The following PSMA3 variants were observed in gnomAD, a reference collection of about 807,000 sequenced individuals.
The protein encoded by PSMA3 is proteasome subunit alpha type-3.
Under a neutral mutation model 40.0 loss-of-function variants are expected in PSMA3, and 8 were observed. The ratio of observed to expected loss-of-function variants is 0.20; its 90% CI spans 0.12 to 0.36. The LOEUF (loss-of-function observed/expected upper bound fraction) is 0.36. PSMA3 is among the 10% of genes least tolerant of loss of function. PSMA3 has a pLI of 1.00. For missense variants in PSMA3, 219 were observed against 310.6 expected, an observed-to-expected ratio of 0.70 and a Z score of 2.22; for synonymous variants, 110 against 100.0, an observed-to-expected ratio of 1.10 and a Z score of -0.59.
chr14:58,257,325 A>G (rs1057499136), intron 3 of PSMA3, among the ~76,000 whole-genome samples: 2 of 151,550 alleles, frequency 1.3e-5, no homozygotes, highest in Non-Finnish European at 2.9e-5. Flanking sequence ...GTGAAACCCC[A>G]TCTCTACTAA....
At chr14:58,260,397 G>T (rs1890248380) in intron 5 of PSMA3, among the ~76,000 whole-genome samples, 1 of 152,200 alleles carries the variant, frequency 6.6e-6, no homozygotes, top group Admixed American at 6.5e-5. Context: ...TGAATCCACA[G>T]ATGCAGAACT....
Position 58,270,914 on chromosome 14 carries a change from A to G in PSMA3, c.659-20A>G. 1 of 1,567,454 alleles carries G rather than the reference A, an allele frequency of 6.4e-7. No homozygotes were observed. Among genetic ancestry groups the G allele is most frequent in the African/African-American group, 1.4e-5 (1 of 73,800 alleles). On this transcript the variant is annotated intron_variant, in intron 9 of 10. Transcript: ENST00000216455. ...GGTACTCAATTTAAAATTCATTTAC[A>G]CATGTGGCTTAATTTACAGTAACTA... is the stretch of plus-strand genomic sequence containing the variant.
In PSMA3 at chr14:58,257,748, G is replaced by A; in HGVS notation, c.232G>A (p.Val78Ile). 6.2e-7 allele frequency: 1 copy of A among 1,608,414 alleles called. No individual in the cohort carries two copies. The highest frequency in any genetic ancestry group is 8.5e-7 in the Non-Finnish European group (1 of 1,176,094). Residue 78 changes from valine to isoleucine, a missense_variant, in exon 4 of 11, where the codon GTA (valine) becomes ATA (isoleucine). Coordinates refer to ENST00000216455, the MANE Select transcript of PSMA3 (RefSeq NM_002788.4). ...FNVDRHVGMA[V>I]AGLLADARSL... ...TAAATTGGTGCTTTTTTTTCAGGCA[G>A]TAGCAGGTTTGTTGGCAGATGCTCG...
At chr14:58,250,034 C>A (rs1042051912) in intron 2 of PSMA3, among the ~76,000 whole-genome samples, 5 of 149,630 alleles carry the variant, frequency 3.3e-5, no homozygotes, top group Middle Eastern at 3.5e-3. Flanking sequence ...GCCTGGGCAA[C>A]ATGGTGAAAT....
chr14:58,268,940 C>CT lies in PSMA3; in HGVS notation c.590+1432dup, dbSNP rs200715859. On this transcript the variant is annotated intron_variant, in intron 8 of 10. Coordinates refer to ENST00000216455, the MANE Select transcript of PSMA3 (RefSeq NM_002788.4). The stretch of plus-strand genomic sequence containing the variant: ...CTCTGCTACTGTACTTAATTTGATA[C>CT]TTTTTTTTTTTTGAGATGGAGTCTC... 9.2e-3 allele frequency: 1,352 copies of CT among 147,096 alleles called. 50 individuals carry two copies. The highest frequency in any genetic ancestry group is 0.067 in the Admixed American group (981 of 14,728). The allele number at this position is 147,096 out of a possible 1,614,324, so 9.1% of individuals were successfully genotyped here.
chr14:58,262,001 AC>A (rs1890296751), intron 6 of PSMA3, among the ~76,000 whole-genome samples: 1 of 151,508 alleles, frequency 6.6e-6, no homozygotes, highest in African/African-American at 2.4e-5. Context: ...ATCTTGGTTC[AC>A]TGCAACCTCT....
In PSMA3 at chr14:58,271,841, C is replaced by G. The variant is rs950350845; in HGVS notation, c.724-10C>G. 4 of 1,592,312 alleles carry G rather than the reference C, an allele frequency of 2.5e-6. No individual in the cohort carries two copies. The African/African-American group carries it at 4.0e-5, about 16-fold the overall frequency. ...AAAATCAATTTTAAACACCTGTTTT[C>G]TCTTAACAGGAATCTCTGAAGGAAG... On this transcript the variant is annotated splice_polypyrimidine_tract_variant and intron_variant, in intron 10 of 10. Coordinates refer to ENST00000216455, the MANE Select transcript of PSMA3 (RefSeq NM_002788.4).
At chr14:58,245,541 T>A (rs1594821768) in intron 1 of PSMA3, 2 of 152,562 alleles carry the variant, frequency 1.3e-5, no homozygotes, top group Admixed American at 1.3e-4. Context: ...TAACAGCGCT[T>A]GTAGGCATTT....
At chr14:58,246,555 C>T (rs1472612655) in intron 1 of PSMA3, among the ~76,000 whole-genome samples, 3 of 152,102 alleles carry the variant, frequency 2.0e-5, no homozygotes, top group East Asian at 1.9e-4. Flanking sequence ...CGCACCACCA[C>T]GCCCAGCTAA....
chr14:58,247,472 A>G (rs574493979), intron 1 of PSMA3, among the ~76,000 whole-genome samples: 25 of 152,356 alleles, frequency 1.6e-4, no homozygotes, highest in African/African-American at 4.8e-4. Flanking sequence ...ACTGCCCCAT[A>G]TTAATCTTTT....
chr14:58,263,165 A>G (rs999247925), intron 6 of PSMA3, among the ~76,000 whole-genome samples: 4 of 151,812 alleles, frequency 2.6e-5, no homozygotes, highest in African/African-American at 4.8e-5. Flanking sequence ...TTGTATTTTT[A>G]GTAGAGACAG....
intron 7 of PSMA3, chr14:58,265,703 A>G (rs2140094364): frequency 6.6e-6 from 1 of 152,354 alleles, no homozygotes; most frequent in East Asian, 1.9e-4. Context: ...TAAAAAATAG[A>G]TTTGCCATTT....
intron 1 of PSMA3, among the ~76,000 whole-genome samples, chr14:58,246,588 G>A (rs1676802997): frequency 6.6e-6 from 1 of 152,076 alleles, no homozygotes; most frequent in Non-Finnish European, 1.5e-5. Context: ...TCGTAGAGAT[G>A]AGGTTTCACC....
intron 2 of PSMA3, among the ~76,000 whole-genome samples, chr14:58,248,132 T>C (rs905574176): frequency 6.6e-5 from 10 of 152,254 alleles, no homozygotes; most frequent in Admixed American, 1.3e-4. Context: ...CCTCAGCCAT[T>C]AGGTTTGTGA....
chr14:58,251,804 A>G (rs1566638371), intron 2 of PSMA3, among the ~76,000 whole-genome samples: 2 of 152,198 alleles, frequency 1.3e-5, no homozygotes, highest in Admixed American at 6.5e-5. Flanking sequence ...ATTTATGTCA[A>G]CATTTGTTTA....
chr14:58,267,506 A>G lies in PSMA3; in HGVS notation c.576A>G (p.Lys192=). Reference sequence around the variant, plus strand: ...AAATGACCTGCCGTGATATCGTTAAAGAAGTTGCAAAAATGTAAGTTGAAA... The same window carrying G: ...AAATGACCTGCCGTGATATCGTTAAGGAAGTTGCAAAAATGTAAGTTGAAA... The part of the protein sequence containing the change: ...MKEMTCRDIV[K]EVAKIIYIVH... Residue 192 remains lysine (K), a synonymous_variant, in exon 8 of 11, where the codon AAA becomes AAG. Coordinates refer to ENST00000216455, the MANE Select transcript of PSMA3 (RefSeq NM_002788.4). The G allele has an allele frequency of 6.3e-7, 1 of 1,576,668 alleles. No individual in the cohort carries two copies. The highest frequency in any genetic ancestry group is 8.6e-7 in the Non-Finnish European group (1 of 1,165,464).
chr14:58,245,048 C>T lies in PSMA3; in HGVS notation c.21+107C>T, dbSNP rs1832423399. ...CGGACCCGGGGTGCTCTGAGACCGC[C>T]TTCGGCTGGGTGGGCCATTTGCAGC... is the stretch of plus-strand genomic sequence containing the variant. On this transcript the variant is annotated intron_variant, in intron 1 of 10. Coordinates refer to ENST00000216455, the MANE Select transcript of PSMA3 (RefSeq NM_002788.4). 52 of 1,471,096 alleles carry T rather than the reference C, an allele frequency of 3.5e-5. No individual in the cohort carries two copies. In the South Asian group the frequency reaches 5.8e-4, roughly 16 times the overall value. 91.1% of individuals were successfully genotyped at this position (1,471,096 alleles called of 1,614,324 possible). A position where few individuals can be genotyped will look rare whatever the true frequency, so the allele number is the denominator to read the frequency against.
intron 6 of PSMA3, 106 bp from the exon 7 acceptor site, chr14:58,263,599 A>G: frequency 1.1e-6 from 1 of 881,532 alleles, no homozygotes; most frequent in Admixed American, 2.9e-5. Flanking sequence ...ACTTGCTTTT[A>G]AAAGTCATTT....
At chr14:58,249,809 G>T (rs1272051970) in intron 2 of PSMA3, among the ~76,000 whole-genome samples, 1 of 152,204 alleles carries the variant, frequency 6.6e-6, no homozygotes, top group Non-Finnish European at 1.5e-5. Context: ...CCCAGCCGAA[G>T]TCTTTGAATT....
Sources: gnomAD v4.1 joint callset for allele counts (sites outside exome capture counted in the v4.1 genomes callset) on GRCh38, gnomAD v4.1.1 for gene constraint, MANE v1.5 for transcripts, NCBI Gene and HGNC (gene_info 2026-07-23, HGNC 2026-07-21) for gene names.